Variants in RNF17 observed in about 807,000 individuals in gnomAD.
The protein encoded by RNF17 is spermatogenesis associated 23.
In RNF17, 31 loss-of-function variants were observed where a neutral mutation model predicts 200.5. The observed-to-expected ratio is 0.15, with a 90% CI of 0.12 to 0.21. The LOEUF (loss-of-function observed/expected upper bound fraction) is 0.21, where lower values mean the gene tolerates loss of function less well. Among genes scored for constraint, RNF17 ranks in the 10% least tolerant of loss-of-function variants. RNF17 has a pLI of 1.00. For synonymous variants in RNF17, 606 were observed against 637.8 expected (o/e 0.95, Z 0.75); for missense variants, 1,628 against 1,905.1 (o/e 0.85, Z 2.71).
intron 25 of RNF17, among the ~76,000 whole-genome samples, chr13:24,858,697 C>T (rs1183033271): frequency 6.6e-6 from 1 of 151,548 alleles, no homozygotes; most frequent in Admixed American, 6.6e-5. Context: ...TAGTATATAA[C>T]CTGTGTCCTA....
intron 13 of RNF17, among the ~76,000 whole-genome samples, chr13:24,801,032 T>C (rs1885190155): frequency 1.3e-5 from 2 of 152,218 alleles, no homozygotes; most frequent in African/African-American, 2.4e-5. Flanking sequence ...CTGTCTTTGC[T>C]CATCGTTGTA....
chr13:24,866,290 A>G, intron 30 of RNF17, 87 bp downstream of exon 30: 1 of 716,142 alleles, frequency 1.4e-6, no homozygotes, highest in Non-Finnish European at 2.4e-6. Context: ...CTCTTTTATA[A>G]CAGTTTTATT....
intron 1 of RNF17, among the ~76,000 whole-genome samples, chr13:24,766,806 A>G (rs1330886308): frequency 6.6e-6 from 1 of 152,262 alleles, no homozygotes; most frequent in African/African-American, 2.4e-5. Context: ...AAGATATGGC[A>G]GATTCAAAGT....
intron 30 of RNF17, 54 bp from the exon 31 acceptor site, chr13:24,868,546 T>C (rs899682942): frequency 3.5e-6 from 3 of 857,140 alleles, no homozygotes; most frequent in South Asian, 1.3e-5. Context: ...ATTTTTATAA[T>C]GTAATAGATT....
intron 22 of RNF17, among the ~76,000 whole-genome samples, chr13:24,846,238 T>C (rs1891245760): frequency 6.6e-6 from 1 of 152,234 alleles, no homozygotes; most frequent in African/African-American, 2.4e-5. Context: ...AGAGTTGTAG[T>C]CTACAGTTTA....
intron 18 of RNF17, among the ~76,000 whole-genome samples, chr13:24,840,788 A>G (rs569301859): frequency 3.3e-5 from 5 of 152,204 alleles, no homozygotes; most frequent in Non-Finnish European, 7.3e-5. Flanking sequence ...GGTGCAGTAT[A>G]TACTGTTTGG....
intron 23 of RNF17, 137 bp downstream of exon 23, chr13:24,850,580 A>AT (rs1157915672): frequency 1.7e-6 from 1 of 577,284 alleles, no homozygotes; most frequent in Non-Finnish European, 3.1e-6. Flanking sequence ...ATTTCAAAGT[A>AT]TAAGAGGCAT....
At chr13:24,823,143 A>G (rs1204653056) in intron 15 of RNF17, among the ~76,000 whole-genome samples, 1 of 151,748 alleles carries the variant, frequency 6.6e-6, no homozygotes, top group Non-Finnish European at 1.5e-5. Flanking sequence ...GCATGATGTC[A>G]GCTCCCTGCA....
chr13:24,816,693 C>T (rs1887446456), intron 15 of RNF17, among the ~76,000 whole-genome samples: 1 of 152,168 alleles, frequency 6.6e-6, no homozygotes, highest in East Asian at 1.9e-4. Context: ...GACTGACATA[C>T]ACATACCTAA....
chr13:24,848,128 T>C (rs921874333), intron 22 of RNF17, among the ~76,000 whole-genome samples: 4 of 152,188 alleles, frequency 2.6e-5, no homozygotes, highest in South Asian at 2.1e-4. Flanking sequence ...ATAAATACTA[T>C]TTATAGGTAA....
downstream of RNF17, chr13:24,882,592 A>T (rs1287622830): frequency 6.5e-6 from 1 of 153,722 alleles, no homozygotes; most frequent in Non-Finnish European, 1.4e-5. Flanking sequence ...ATTACATTAC[A>T]AAGTCAGCCT....
the RNF17 span, among the ~76,000 whole-genome samples, chr13:24,748,054 T>G: frequency 1.3e-5 from 2 of 152,212 alleles, no homozygotes; most frequent in Non-Finnish European, 2.9e-5. Context: ...GACATCTGTC[T>G]CTCGCATCCG....
chr13:24,823,534 CAAA>C (rs1888306867), intron 15 of RNF17, among the ~76,000 whole-genome samples: 2 of 150,322 alleles, frequency 1.3e-5, no homozygotes, highest in African/African-American at 4.9e-5. Flanking sequence ...GGAGCTGAAA[CAAA>C]GAAGAGACAG....
intron 13 of RNF17, among the ~76,000 whole-genome samples, chr13:24,802,142 C>T (rs1024746844): frequency 2.0e-5 from 3 of 152,066 alleles, no homozygotes; most frequent in Admixed American, 1.3e-4. Flanking sequence ...CCTGCCACCA[C>T]GCCCCGCTAA....
intron 3 of RNF17, among the ~76,000 whole-genome samples, chr13:24,777,033 AATT>A (rs983274943): frequency 6.6e-6 from 1 of 152,204 alleles, no homozygotes; most frequent in African/African-American, 2.4e-5. Flanking sequence ...TTAAAAATTA[AATT>A]TATGTCAATT....
downstream of RNF17, chr13:24,884,213 G>A (rs1364670816): frequency 6.2e-7 from 1 of 1,614,066 alleles, no homozygotes; most frequent in Non-Finnish European, 8.5e-7. Context: ...GGTATGTCGT[G>A]TGAGTGGTCT....
chr13:24,767,098 A>T (rs1431068267), intron 1 of RNF17, among the ~76,000 whole-genome samples, 174 bp from the exon 2 acceptor site: 1 of 152,110 alleles, frequency 6.6e-6, no homozygotes, highest in African/African-American at 2.4e-5. Flanking sequence ...GTGTGTTGGG[A>T]CACACCTATA....
chr13:24,856,356 G>C (rs1208810546), intron 25 of RNF17, among the ~76,000 whole-genome samples: 3 of 146,900 alleles, frequency 2.0e-5, no homozygotes, highest in African/African-American at 7.5e-5. Context: ...GGAGGCAGAG[G>C]TTGCCGTGAG....
At chr13:24,885,419 CCTA>C in the RNF17 span, 1 of 1,458,908 alleles carries the variant, frequency 6.9e-7, no homozygotes, top group East Asian at 2.3e-5. Flanking sequence ...GCAGCTAAAA[CCTA>C]CTCTTACTTC....
Sources: gnomAD v4.1 joint callset for allele counts (sites outside exome capture counted in the v4.1 genomes callset) on GRCh38, gnomAD v4.1.1 for gene constraint, MANE v1.5 for transcripts, NCBI Gene and HGNC (gene_info 2026-07-23, HGNC 2026-07-21) for gene names.